Variants in CRACD observed in about 807,000 individuals in gnomAD.
The protein encoded by CRACD is capping protein-inhibiting regulator of actin dynamics.
Under a neutral mutation model 106.8 loss-of-function variants are expected in CRACD, and 56 were observed. The observed-to-expected ratio is 0.52, with a 90% CI of 0.42 to 0.66. The LOEUF (loss-of-function observed/expected upper bound fraction) is 0.66. Among genes scored for constraint, CRACD ranks in the 30% least tolerant of loss-of-function variants. The pLI is 0.00. For missense variants in CRACD, 1,730 were observed against 1,623.2 expected, an observed-to-expected ratio of 1.07 and a Z score of -1.13; for synonymous variants, 754 against 670.8, an observed-to-expected ratio of 1.12 and a Z score of -1.92.
chr4:56,118,762 G>A (rs1052766630), intron 1 of CRACD, among the ~76,000 whole-genome samples: 1 of 152,030 alleles, frequency 6.6e-6, no homozygotes, highest in African/African-American at 2.4e-5. Context: ...TAAAAATAAA[G>A]TAGGAAAAGT....
chr4:56,140,168 C>T (rs1577687975), intron 1 of CRACD, among the ~76,000 whole-genome samples: 1 of 152,314 alleles, frequency 6.6e-6, no homozygotes, highest in Non-Finnish European at 1.5e-5. Flanking sequence ...TCCCCTTTAT[C>T]CCTGCATCCA....
rs1309905799 is a variant in CRACD, at chr4:56,315,723, G to T, written c.2221G>T (p.Glu741Ter). Reference sequence around the variant, plus strand: ...CACGGAGACCTCCAAACAGAGCACGGAAGCTGAAAGCATACGAAAAAGACC... The same window carrying T: ...CACGGAGACCTCCAAACAGAGCACGTAAGCTGAAAGCATACGAAAAAGACC... Reference protein sequence around the residue: ...GGTETSKQSTEAESIRKRPML... With the variant: ...GGTETSKQST Residue 741 changes from glutamate to a stop codon, truncating the protein, a stop_gained, in exon 8 of 11, where the codon GAA becomes TAA. Transcript: ENST00000682029. LOFTEE classifies it high-confidence loss of function. The surrounding 1 kb of genome is among the most constrained non-coding windows in gnomAD (Gnocchi z 4.1). The T allele has an allele frequency of 6.2e-7, 1 of 1,614,232 alleles. No individual in the cohort carries two copies. Among genetic ancestry groups the T allele is most frequent in the Admixed American group, 1.7e-5 (1 of 60,034 alleles).
chr4:56,167,892 T>C (rs1736209640), intron 1 of CRACD, among the ~76,000 whole-genome samples: 1 of 152,142 alleles, frequency 6.6e-6, no homozygotes, highest in South Asian at 2.1e-4. Context: ...ATGAAATAAG[T>C]CAGTTAATTT....
rs1460791045 is a variant in CRACD at position 56,297,919 on chromosome 4, G to C, written c.-16-295G>C. On this transcript the variant is annotated intron_variant, in intron 3 of 10. Coordinates refer to ENST00000682029, the MANE Select transcript of CRACD (RefSeq NM_001393381.1). Reference sequence around the variant, plus strand: ...ATAGTGACAGCTCAGCTGGAGAAAGGCTCTTCCAATTAAAAGTTCTGCAGT... The same window carrying C: ...ATAGTGACAGCTCAGCTGGAGAAAGCCTCTTCCAATTAAAAGTTCTGCAGT... 2.5e-5 allele frequency: 5 copies of C among 198,304 alleles called. No individual in the cohort carries two copies. The East Asian group carries it at 4.6e-4, about 18-fold the overall frequency. 12.3% of individuals were successfully genotyped at this position (198,304 alleles called of 1,614,324 possible). A position where few individuals can be genotyped will look rare whatever the true frequency, so the allele number is the denominator to read the frequency against.
rs569655408 is a variant in CRACD at position 56,084,430 on chromosome 4, GA to G, written c.-336+35139del. On this transcript the variant is annotated intron_variant, in intron 1 of 10. Coordinates refer to ENST00000682029, the MANE Select transcript of CRACD (RefSeq NM_001393381.1). ...TAAGATTATGTCTTAGTAGTTCTGT[GA>G]AAAAAAACTAAACTAGTTTCTAAAA... Among the ~76,000 whole-genome samples the G allele has an allele frequency of 1.1e-3, 167 of 151,512 alleles. 1 individual carries two copies. The highest frequency in any genetic ancestry group is 3.6e-3 in the African/African-American group (150 of 41,362).
At chr4:56,319,220 G>A (rs1745886757) in intron 8 of CRACD, among the ~76,000 whole-genome samples, 1 of 152,066 alleles carries the variant, frequency 6.6e-6, no homozygotes, top group African/African-American at 2.4e-5. Context: ...CAGCTTCCCT[G>A]GAGATTCTTT....
chr4:56,233,174 C>T (rs925343026), intron 2 of CRACD, among the ~76,000 whole-genome samples: 1 of 152,244 alleles, frequency 6.6e-6, no homozygotes, highest in African/African-American at 2.4e-5. Context: ...ATTTTGGACT[C>T]AAATGCTGTG....
Position 56,243,491 on chromosome 4 carries a change from CT to C in CRACD, c.-188-28828del, listed in dbSNP as rs142196639. Among the ~76,000 whole-genome samples the C allele has an allele frequency of 2.9e-3, 441 of 152,316 alleles. 3 individuals carry two copies. The highest frequency in any genetic ancestry group is 0.01 in the African/African-American group (422 of 41,580). On this transcript the variant is annotated intron_variant, in intron 2 of 10. Coordinates refer to ENST00000682029, the MANE Select transcript of CRACD (RefSeq NM_001393381.1). ...TTTTGGAGCCTCTTTTTTGTAGCAA[CT>C]TAGTCTATAAACAAATACACTATAT...
intron 2 of CRACD, among the ~76,000 whole-genome samples, chr4:56,271,598 A>G (rs1232664187): frequency 6.6e-6 from 1 of 152,120 alleles, no homozygotes; most frequent in African/African-American, 2.4e-5. Context: ...TATCTGACTT[A>G]AGTGTTTTTC....
In CRACD at chr4:56,191,478, T is replaced by C. The variant is rs142604864; in HGVS notation, c.-189+12048T>C. Among the ~76,000 whole-genome samples, 6 of 152,268 alleles carry C rather than the reference T, an allele frequency of 3.9e-5. No individual in the cohort carries two copies. The East Asian group carries it at 9.6e-4, about 24-fold the overall frequency. On this transcript the variant is annotated intron_variant, in intron 2 of 10. Transcript: ENST00000682029. Reference sequence around the variant, plus strand: ...TACCATCACATCCTCTCCTGTGATTTTGACATTTCTGCCTCCCTCTTATAA... The same window carrying C: ...TACCATCACATCCTCTCCTGTGATTCTGACATTTCTGCCTCCCTCTTATAA...
chr4:56,238,421 T>C (rs1027366735), intron 2 of CRACD, among the ~76,000 whole-genome samples: 4 of 152,216 alleles, frequency 2.6e-5, no homozygotes, highest in African/African-American at 9.6e-5. Flanking sequence ...CCAATAGAGC[T>C]GCAGGTGGAA....
chr4:56,208,665 A>C (rs566306231), intron 2 of CRACD, among the ~76,000 whole-genome samples: 2 of 152,366 alleles, frequency 1.3e-5, no homozygotes, highest in Admixed American at 1.3e-4. Flanking sequence ...ATGATTTAAC[A>C]TATCAATCCC....
chr4:56,305,889 C>G (rs538411346), intron 4 of CRACD, among the ~76,000 whole-genome samples: 1 of 152,320 alleles, frequency 6.6e-6, no homozygotes, highest in Admixed American at 6.5e-5. Flanking sequence ...ACATTTCCCT[C>G]AAGGGATTCT....
intron 1 of CRACD, among the ~76,000 whole-genome samples, chr4:56,171,094 C>T (rs947772368): frequency 4.6e-5 from 7 of 151,954 alleles, no homozygotes; most frequent in Non-Finnish European, 8.8e-5. Context: ...AAAAACTAAT[C>T]GGGCATGGAA....
chr4:56,189,577 T>C (rs1168517548), intron 2 of CRACD, among the ~76,000 whole-genome samples: 1 of 113,450 alleles, frequency 8.8e-6, no homozygotes, highest in Non-Finnish European at 1.7e-5. Context: ...GTCCCTGGTG[T>C]GTGATGTTCC....
chr4:56,071,435 G>A (rs1732642931), intron 1 of CRACD, among the ~76,000 whole-genome samples: 1 of 151,768 alleles, frequency 6.6e-6, no homozygotes, highest in Non-Finnish European at 1.5e-5. Context: ...GGAGATCTGT[G>A]GTGTATCCTC....
intron 1 of CRACD, among the ~76,000 whole-genome samples, chr4:56,104,716 C>G (rs371887284): frequency 6.6e-6 from 1 of 152,156 alleles, no homozygotes; most frequent in South Asian, 2.1e-4. Flanking sequence ...GCCTGTAATC[C>G]CAGCACTTTG....
chr4:56,061,598 G>T (rs1732279289), intron 1 of CRACD, among the ~76,000 whole-genome samples: 1 of 152,044 alleles, frequency 6.6e-6, no homozygotes, highest in African/African-American at 2.4e-5. Flanking sequence ...ATACAGACAG[G>T]ATCCCTGCAC....
intron 2 of CRACD, among the ~76,000 whole-genome samples, chr4:56,218,149 A>G (rs1003450201): frequency 3.3e-5 from 5 of 152,184 alleles, no homozygotes; most frequent in Admixed American, 6.5e-5. Flanking sequence ...ATTACTTCTA[A>G]AAAGACACTG....
Sources: allele counts gnomAD v4.1 joint callset (sites outside exome capture counted in the v4.1 genomes callset), GRCh38; gene constraint gnomAD v4.1.1; non-coding constraint Gnocchi (gnomAD v3.1); transcripts MANE v1.5; gene names NCBI Gene and HGNC (gene_info 2026-07-23, HGNC 2026-07-21).